Variants in YBX1 observed in about 807,000 individuals in gnomAD.
YBX1 encodes the protein Y-box-binding protein 1.
YBX1 carries 3 observed loss-of-function variants against 41.4 expected under a neutral mutation model. That is an observed-to-expected ratio of 0.07 (90% CI 0.03 to 0.19). The LOEUF (loss-of-function observed/expected upper bound fraction) is 0.19. Among genes scored for constraint, YBX1 ranks in the 10% least tolerant of loss-of-function variants. The pLI is 1.00. For synonymous variants in YBX1, 133 were observed against 165.8 expected (o/e 0.80, Z 1.52); for missense variants, 274 against 462.8 (o/e 0.59, Z 3.74).
Position 42,682,432 on chromosome 1 carries a change from GATCGGT to G in YBX1, c.-132_-127del. ...CCTGTCCCGCCATTCTCGCTAGTTCGATCGGTAGCGGGAGCGGAGAGCGGACCCCAG... is the reference window on the plus strand; with the variant it reads ...CCTGTCCCGCCATTCTCGCTAGTTCGAGCGGGAGCGGAGAGCGGACCCCAG... On this transcript the variant is annotated 5_prime_UTR_variant, in exon 1 of 8. Coordinates refer to ENST00000321358, the MANE Select transcript of YBX1 (RefSeq NM_004559.5). 8.9e-7 allele frequency: 1 copy of G among 1,123,104 alleles called. No homozygotes were observed. The highest frequency in any genetic ancestry group is 1.2e-6 in the Non-Finnish European group (1 of 868,068). 69.6% of individuals were successfully genotyped at this position (1,123,104 alleles called of 1,614,324 possible).
chr1:42,693,626 C>T (rs567412164), intron 3 of YBX1, 103 bp downstream of exon 3: 1 of 1,225,058 alleles, frequency 8.2e-7, no homozygotes, highest in Non-Finnish European at 1.2e-6. Flanking sequence ...TTAAGTCCAA[C>T]CACCAGTTTA....
intron 6 of YBX1, 108 bp downstream of exon 6, chr1:42,697,370 T>A: frequency 9.3e-7 from 1 of 1,073,482 alleles, no homozygotes; most frequent in Non-Finnish European, 1.3e-6. Flanking sequence ...ACACTTCACG[T>A]TTTCTTTCAT....
At chr1:42,693,045 G>C (rs1398811074) in intron 2 of YBX1, among the ~76,000 whole-genome samples, 1 of 152,164 alleles carries the variant, frequency 6.6e-6, no homozygotes, top group Non-Finnish European at 1.5e-5. Context: ...TGTTGGTGGG[G>C]AGGGGGGTTC....
chr1:42,696,549 T>C lies in YBX1; in HGVS notation c.355-93T>C. The C allele has an allele frequency of 2.0e-6, 2 of 982,564 alleles. No homozygotes were observed. Among genetic ancestry groups the C allele is most frequent in the Middle Eastern group, 2.7e-4 (1 of 3,752 alleles). 60.9% of individuals were successfully genotyped at this position (982,564 alleles called of 1,614,324 possible). A position where few individuals can be genotyped will look rare whatever the true frequency, so the allele number is the denominator to read the frequency against. On this transcript the variant is annotated intron_variant, in intron 4 of 7. Coordinates refer to ENST00000321358, the MANE Select transcript of YBX1 (RefSeq NM_004559.5). The surrounding 1 kb of genome is among the most constrained non-coding windows in gnomAD (Gnocchi z 5.7). ...TTTTTTTCCTTAACTTTGTTGTTTT[T>C]TGCTTTGTTTGAAAATGTTCTGATT...
intron 7 of YBX1, among the ~76,000 whole-genome samples, chr1:42,701,439 T>A (rs1650597908): frequency 6.6e-6 from 1 of 152,180 alleles, no homozygotes; most frequent in African/African-American, 2.4e-5. Context: ...GAAGTGGGGA[T>A]AGCTGTTAGA....
At chr1:42,691,240 T>C (rs1455451292) in intron 2 of YBX1, among the ~76,000 whole-genome samples, 2 of 152,210 alleles carry the variant, frequency 1.3e-5, no homozygotes, top group South Asian at 2.1e-4. Context: ...CAATACTGTT[T>C]TTACTGTCAT....
chr1:42,695,008 TA>T (rs1332817937), intron 3 of YBX1, among the ~76,000 whole-genome samples: 2 of 152,218 alleles, frequency 1.3e-5, no homozygotes, highest in African/African-American at 4.8e-5. Context: ...TGACTGCAGG[TA>T]ATTGATAGTT....
At chr1:42,690,565 A>C (rs895387536) in intron 2 of YBX1, among the ~76,000 whole-genome samples, 7 of 152,158 alleles carry the variant, frequency 4.6e-5, no homozygotes, top group African/African-American at 1.7e-4. Flanking sequence ...CTGCAAATCT[A>C]ATTGTACATA....
chr1:42,685,905 G>C (rs1650183235), intron 2 of YBX1, among the ~76,000 whole-genome samples: 1 of 152,182 alleles, frequency 6.6e-6, no homozygotes, highest in African/African-American at 2.4e-5. Context: ...TGTGAAGAAG[G>C]TGCTAAGTAA....
chr1:42,697,740 C>A (rs935384478), intron 6 of YBX1, among the ~76,000 whole-genome samples: 3 of 152,046 alleles, frequency 2.0e-5, no homozygotes, highest in Non-Finnish European at 4.4e-5. Context: ...CAAGAATTTA[C>A]ATTCTGCGGG....
At position 42,701,021 on chromosome 1, in the gene YBX1, G is replaced by A. The variant is rs773035669; in HGVS notation, c.*6G>A. On this transcript the variant is annotated 3_prime_UTR_variant, in exon 7 of 8. Transcript: ENST00000321358. ...AGCAGGGCGGGGCTGAGTAAATGCC[G>A]GCTTACCATCTCTACCATCATCCGG... The A allele has an allele frequency of 5.0e-6, 8 of 1,613,654 alleles. No individual in the cohort carries two copies. Among genetic ancestry groups the A allele is most frequent in the South Asian group, 1.1e-5 (1 of 91,068 alleles).
chr1:42,699,665 T>C (rs973401808), intron 6 of YBX1, among the ~76,000 whole-genome samples: 4 of 152,012 alleles, frequency 2.6e-5, no homozygotes, highest in Admixed American at 2.6e-4. Flanking sequence ...TGCACTGTGT[T>C]ACTCAAGCAG....
intron 2 of YBX1, among the ~76,000 whole-genome samples, chr1:42,690,084 G>A (rs1336067561): frequency 6.6e-6 from 1 of 152,008 alleles, no homozygotes; most frequent in Non-Finnish European, 1.5e-5. Flanking sequence ...AGGGCGTGGT[G>A]GTGCATACCT....
chr1:42,683,334 C>T, intron 1 of YBX1, 69 bp from the exon 2 acceptor site: 1 of 1,601,142 alleles, frequency 6.2e-7, no homozygotes, highest in South Asian at 1.1e-5. Context: ...GACCGGATGC[C>T]CAAGCCGGGC....
rs1209710503 is a variant in YBX1, at chr1:42,696,841, G to T, written c.554G>T (p.Arg185Leu). 2 of 1,612,068 alleles carry T rather than the reference G, an allele frequency of 1.2e-6. No individual in the cohort carries two copies. Among genetic ancestry groups the T allele is most frequent in the East Asian group, 2.2e-5 (1 of 44,856 alleles). ...ESAPEGQAQQ[R>L]RPYRRRRFPP... ...GCTCCCGAAGGCCAGGCCCAACAAC[G>T]CCGGCCCTACCGCAGGCGAAGGTTC... Residue 185 changes from arginine (R) to leucine (L), a missense_variant, in exon 5 of 8, where the codon CGC (arginine) becomes CTC (leucine). Transcript: ENST00000321358. The surrounding 1 kb of genome is among the most constrained non-coding windows in gnomAD (Gnocchi z 5.7).
chr1:42,691,691 G>A (rs1233909405), intron 2 of YBX1, among the ~76,000 whole-genome samples: 1 of 152,084 alleles, frequency 6.6e-6, no homozygotes, highest in African/African-American at 2.4e-5. Context: ...CACAGAAGCT[G>A]CATTTTTAGT....
At position 42,683,550 on chromosome 1, in the gene YBX1, A is replaced by G. The variant is rs991447112; in HGVS notation, c.230+84A>G. On this transcript the variant is annotated intron_variant, in intron 2 of 7. Transcript: ENST00000321358. ...GGCTTCTCGGGGCTTGGGAAGCCCC[A>G]ATCCACAGCTCTGTTCTGAAAGGCG... The G allele has an allele frequency of 4.1e-6, 6 of 1,474,226 alleles. No homozygotes were observed. The African/African-American group carries it at 8.4e-5, about 21-fold the overall frequency. The allele number at this position is 1,474,226 out of a possible 1,614,324, so 91.3% of individuals were successfully genotyped here.
chr1:42,701,576 G>GT (rs947206994), intron 7 of YBX1, among the ~76,000 whole-genome samples: 6 of 151,292 alleles, frequency 4.0e-5, no homozygotes, highest in African/African-American at 1.2e-4. Flanking sequence ...AGACGAGAGT[G>GT]TTTCGTGTCT....
intron 3 of YBX1, among the ~76,000 whole-genome samples, chr1:42,695,587 C>T (rs1340995879): frequency 1.3e-5 from 2 of 152,214 alleles, no homozygotes; most frequent in South Asian, 4.1e-4. Context: ...CAACAAGTCT[C>T]TAATACAAGA....
Sources: allele counts gnomAD v4.1 joint callset (sites outside exome capture counted in the v4.1 genomes callset), GRCh38; gene constraint gnomAD v4.1.1; non-coding constraint Gnocchi (gnomAD v3.1); transcripts MANE v1.5; gene names NCBI Gene and HGNC (gene_info 2026-07-23, HGNC 2026-07-21).